Variants in LTBP1 observed in about 807,000 individuals in gnomAD.
LTBP1 encodes latent-transforming growth factor beta-binding protein 1.
In LTBP1, 129 loss-of-function variants were observed where a neutral mutation model predicts 207.6. That is an observed-to-expected ratio of 0.62 (90% CI 0.54 to 0.72). The LOEUF (loss-of-function observed/expected upper bound fraction) is 0.72. Ranked by LOEUF, LTBP1 falls within the 30% of genes least tolerant of loss-of-function variation. The probability of loss-of-function intolerance (pLI) is 0.00; values close to 1 mark genes in which losing one functional copy is unlikely to be tolerated. For missense variants in LTBP1, 2,281 were observed against 2,217.2 expected (o/e 1.03, Z -0.58); for synonymous variants, 963 against 833.7 (o/e 1.16, Z -2.67).
chr2:33,189,932 C>T (rs2087662293), intron 7 of LTBP1, among the ~76,000 whole-genome samples: 1 of 152,050 alleles, frequency 6.6e-6, no homozygotes, highest in Non-Finnish European at 1.5e-5. Flanking sequence ...GAGGCTGAGG[C>T]AGGAGAACCA....
chr2:33,012,784 A>T (rs1029970075), intron 2 of LTBP1, among the ~76,000 whole-genome samples: 1 of 152,252 alleles, frequency 6.6e-6, no homozygotes, highest in Non-Finnish European at 1.5e-5. Flanking sequence ...GATAACAGTT[A>T]TAACAATATA....
chr2:33,253,143 G>A (rs1209621085), intron 11 of LTBP1, among the ~76,000 whole-genome samples: 4 of 152,140 alleles, frequency 2.6e-5, no homozygotes, highest in Non-Finnish European at 5.9e-5. Flanking sequence ...AGTGTAGAGA[G>A]ACCAGAAGGC....
intron 4 of LTBP1, among the ~76,000 whole-genome samples, chr2:33,122,864 A>G (rs2081221465): frequency 6.6e-6 from 1 of 152,142 alleles, no homozygotes; most frequent in Admixed American, 6.5e-5. Context: ...CTTGCTGTAC[A>G]CAACCGCAGT....
rs528742391 is a variant in LTBP1 at position 33,364,793 on chromosome 2, T to C, written c.4540+437T>C. 1.8e-3 allele frequency among the ~76,000 whole-genome samples: 280 copies of C among 152,342 alleles called. 1 individual carries two copies. Among genetic ancestry groups the C allele is most frequent in the African/African-American group, 6.6e-3 (275 of 41,586 alleles). On this transcript the variant is annotated intron_variant, in intron 30 of 33. Transcript: ENST00000404816. Reference sequence around the variant, plus strand: ...ACTGACAAACTCCTGTCCTCCCTGATGCTACTGATAATTGGCAAAAAGCCG... The same window carrying C: ...ACTGACAAACTCCTGTCCTCCCTGACGCTACTGATAATTGGCAAAAAGCCG...
Position 33,396,964 on chromosome 2 carries a change from T to C in LTBP1, c.4835-169T>C, listed in dbSNP as rs376185333. On this transcript the variant is annotated intron_variant, in intron 32 of 33. Transcript: ENST00000404816. ...ATATACAAGTTTTTTATTTTTATGC[T>C]ATTTTACACAGCAACATTCAGTATT... is the stretch of plus-strand genomic sequence containing the variant. Among the ~76,000 whole-genome samples, 7 of 152,374 alleles carry C rather than the reference T, an allele frequency of 4.6e-5. No individual in the cohort carries two copies. The East Asian group carries it at 9.6e-4, about 21-fold the overall frequency.
At chr2:33,395,904 TA>T (rs2095354012) in intron 32 of LTBP1, among the ~76,000 whole-genome samples, 1 of 128,702 alleles carries the variant, frequency 7.8e-6, no homozygotes, top group Admixed American at 7.5e-5. Flanking sequence ...GTTCTAGCCA[TA>T]TATTTTTTTT....
At chr2:33,198,370 G>T (rs1384127210) in intron 7 of LTBP1, among the ~76,000 whole-genome samples, 1 of 152,074 alleles carries the variant, frequency 6.6e-6, no homozygotes, top group Non-Finnish European at 1.5e-5. Flanking sequence ...TTTTTTGGTT[G>T]TGTCTCTGCC....
At chr2:33,248,542 C>T (rs1287879595) in intron 10 of LTBP1, among the ~76,000 whole-genome samples, 2 of 151,602 alleles carry the variant, frequency 1.3e-5, no homozygotes, top group African/African-American at 4.8e-5. Context: ...GACGTAACTG[C>T]AATGGCCTTG....
At chr2:33,139,298 G>C (rs576351405) in intron 5 of LTBP1, among the ~76,000 whole-genome samples, 1 of 152,120 alleles carries the variant, frequency 6.6e-6, no homozygotes, top group Non-Finnish European at 1.5e-5. Flanking sequence ...TCTTATCCTA[G>C]AGTCACAATA....
intron 26 of LTBP1, among the ~76,000 whole-genome samples, chr2:33,354,053 C>T (rs919544817): frequency 3.9e-5 from 6 of 152,010 alleles, no homozygotes; most frequent in Admixed American, 2.6e-4. Context: ...TTAGTAGAGA[C>T]GGGGTTTCAC....
At chr2:33,276,269 T>C (rs562051053) in intron 18 of LTBP1, among the ~76,000 whole-genome samples, 14 of 152,312 alleles carry the variant, frequency 9.2e-5, no homozygotes, top group African/African-American at 3.4e-4. Flanking sequence ...GTAACCAGTG[T>C]TGATTTTTTG....
At chr2:33,028,714 T>C (rs2075549919) in intron 3 of LTBP1, among the ~76,000 whole-genome samples, 1 of 152,188 alleles carries the variant, frequency 6.6e-6, no homozygotes, top group African/African-American at 2.4e-5. Flanking sequence ...GGGACCCACT[T>C]CTTGTATATC....
At chr2:33,012,651 C>A (rs1168767987) in intron 2 of LTBP1, among the ~76,000 whole-genome samples, 2 of 152,124 alleles carry the variant, frequency 1.3e-5, no homozygotes, top group Non-Finnish European at 2.9e-5. Context: ...GTCTGCAGTT[C>A]TTGGCACAAT....
chr2:33,073,997 G>A (rs2077942218), intron 3 of LTBP1, among the ~76,000 whole-genome samples: 1 of 152,180 alleles, frequency 6.6e-6, no homozygotes, highest in South Asian at 2.1e-4. Context: ...TGATATACAG[G>A]TATAAGTCAT....
intron 3 of LTBP1, among the ~76,000 whole-genome samples, chr2:33,081,710 C>T (rs1049282812): frequency 1.3e-4 from 20 of 152,148 alleles, no homozygotes; most frequent in African/African-American, 4.8e-4. Flanking sequence ...ACCCAAATCT[C>T]ACCTTGAATT....
chr2:33,301,585 C>G lies in LTBP1; in HGVS notation c.3422C>G (p.Ser1141Cys), dbSNP rs758511523. The change falls in exon 22 of 34, where the codon TCT (serine) becomes TGT (cysteine). Residue 1141 changes from serine (S) to cysteine (C), a missense_variant. Ser to Cys is a moderately radical substitution (Grantham distance 112). Coordinates refer to ENST00000404816, the MANE Select transcript of LTBP1 (RefSeq NM_206943.4). ...GGGCAGTGCAGGAACACTGAGGGCT[C>G]TTTTCAATGTGTGTGTGACCAGGGT... The part of the protein sequence containing the change: ...AHGQCRNTEG[S>C]FQCVCDQGYR... 6.2e-7 allele frequency: 1 copy of G among 1,613,214 alleles called. No individual in the cohort carries two copies. Among genetic ancestry groups the G allele is most frequent in the Non-Finnish European group, 8.5e-7 (1 of 1,179,652 alleles).
At chr2:33,094,023 G>T (rs1242348937) in intron 3 of LTBP1, among the ~76,000 whole-genome samples, 4 of 152,142 alleles carry the variant, frequency 2.6e-5, no homozygotes, top group Non-Finnish European at 5.9e-5. Flanking sequence ...AGTTTAACAG[G>T]ATAAATGGGT....
chr2:33,258,103 C>T (rs532999082), intron 12 of LTBP1, among the ~76,000 whole-genome samples: 1 of 152,162 alleles, frequency 6.6e-6, no homozygotes, highest in African/African-American at 2.4e-5. Flanking sequence ...AGCACCTTTT[C>T]CCAAGGAAAT....
At position 33,398,694 on chromosome 2, in the gene LTBP1, G is replaced by A; in HGVS notation, c.*149G>A. Reference sequence around the variant, plus strand: ...TGCAAGTCCTCTGAAGACAATGAGAGGATTTAGGATGAGCCCGATAGGTGT... The same window carrying A: ...TGCAAGTCCTCTGAAGACAATGAGAAGATTTAGGATGAGCCCGATAGGTGT... On this transcript the variant is annotated 3_prime_UTR_variant, in exon 34 of 34. Coordinates refer to ENST00000404816, the MANE Select transcript of LTBP1 (RefSeq NM_206943.4). 2.9e-6 allele frequency: 2 copies of A among 696,452 alleles called. No individual in the cohort carries two copies. The highest frequency in any genetic ancestry group is 4.5e-6 in the Non-Finnish European group (2 of 444,274). The allele number at this position is 696,452 out of a possible 1,614,324, so 43.1% of individuals were successfully genotyped here.
Sources: gnomAD v4.1 joint callset for allele counts (sites outside exome capture counted in the v4.1 genomes callset) on GRCh38, gnomAD v4.1.1 for gene constraint, MANE v1.5 for transcripts, NCBI Gene and HGNC (gene_info 2026-07-23, HGNC 2026-07-21) for gene names.